MAGI2: variants seen among roughly 807,000 people sequenced by gnomAD.
MAGI2 encodes membrane-associated guanylate kinase, WW and PDZ domain-containing protein 2.
A neutral mutation model predicts 133.3 loss-of-function variants in MAGI2; 35 were observed. The ratio of observed to expected loss-of-function variants is 0.26; its 90% CI spans 0.20 to 0.35. The LOEUF is 0.35. Ranked by LOEUF, MAGI2 falls within the 10% of genes least tolerant of loss-of-function variation. The pLI is 1.00. For missense variants in MAGI2, 1,636 were observed against 1,863.4 expected (o/e 0.88, Z 2.25); for synonymous variants, 729 against 710.6 (o/e 1.03, Z -0.41).
chr7:78,358,469 C>G (rs1430978671), intron 7 of MAGI2: 1 of 154,280 alleles, frequency 6.5e-6, no homozygotes, highest in Non-Finnish European at 1.4e-5. Context: ...CCTCTGCAAG[C>G]AGATGAGCAC....
intron 2 of MAGI2, among the ~76,000 whole-genome samples, chr7:78,859,808 C>T (rs149008706): frequency 0.026 from 3,925 of 152,250 alleles, 74 homozygotes; most frequent in Middle Eastern, 0.048. Flanking sequence ...TGGGGTAGTT[C>T]TCCTGGATAG....
Position 78,737,196 on chromosome 7 carries a change from C to T in MAGI2, c.419-109957G>A, listed in dbSNP as rs150171924. Among the ~76,000 whole-genome samples the T allele has an allele frequency of 8.3e-3, 1,270 of 152,254 alleles. 10 individuals are homozygous for T. Among genetic ancestry groups the T allele is most frequent in the Non-Finnish European group, 0.012 (815 of 68,002 alleles). ...TATCTGCCACTGCCCATTTGATAAG[C>T]TTCCCAATATATAAAATCTTCTCTG... On this transcript the variant is annotated intron_variant, in intron 2 of 21. Transcript: ENST00000354212.
intron 1 of MAGI2, among the ~76,000 whole-genome samples, chr7:79,184,039 T>C (rs1277896735): frequency 6.6e-6 from 1 of 151,666 alleles, no homozygotes. Flanking sequence ...GAGTTCCAGT[T>C]AGAAAGGAGG....
chr7:78,653,628 C>T (rs1390344228), intron 2 of MAGI2, among the ~76,000 whole-genome samples: 2 of 151,488 alleles, frequency 1.3e-5, no homozygotes, highest in Non-Finnish European at 2.9e-5. Flanking sequence ...ACACTGGGGC[C>T]TGTCAGGGGT....
intron 1 of MAGI2, among the ~76,000 whole-genome samples, chr7:79,049,190 A>G (rs535052828): frequency 6.6e-6 from 1 of 152,312 alleles, no homozygotes; most frequent in Admixed American, 6.5e-5. Context: ...TTGAGAATTC[A>G]GGTTATTTCA....
chr7:79,031,677 A>G (rs1810589063), intron 1 of MAGI2, among the ~76,000 whole-genome samples: 1 of 152,150 alleles, frequency 6.6e-6, no homozygotes, highest in Non-Finnish European at 1.5e-5. Flanking sequence ...TTTATAAACA[A>G]AAAGTGTTTA....
chr7:78,503,787 A>C (rs1285880960), intron 4 of MAGI2, among the ~76,000 whole-genome samples: 1 of 150,916 alleles, frequency 6.6e-6, no homozygotes, highest in Non-Finnish European at 1.5e-5. Flanking sequence ...AAGTGAAAAT[A>C]AGGTGGGCCG....
At chr7:78,746,960 T>C (rs2151268884) in intron 2 of MAGI2, among the ~76,000 whole-genome samples, 1 of 152,342 alleles carries the variant, frequency 6.6e-6, no homozygotes, top group East Asian at 1.9e-4. Flanking sequence ...CCACTGTTGA[T>C]CACTGTGGTT....
At chr7:78,921,332 A>G (rs1230854350) in intron 2 of MAGI2, among the ~76,000 whole-genome samples, 1 of 152,152 alleles carries the variant, frequency 6.6e-6, no homozygotes, top group East Asian at 1.9e-4. Context: ...TCTTGACTTT[A>G]TCATGCATAA....
chr7:78,307,516 G>A (rs1232806208), intron 9 of MAGI2, among the ~76,000 whole-genome samples: 1 of 152,148 alleles, frequency 6.6e-6, no homozygotes, highest in Non-Finnish European at 1.5e-5. Context: ...GCTTCCCTGT[G>A]TACCTAGAGA....
chr7:78,760,324 C>G (rs1824368718), intron 2 of MAGI2, among the ~76,000 whole-genome samples: 1 of 150,536 alleles, frequency 6.6e-6, no homozygotes, highest in Non-Finnish European at 1.5e-5. Context: ...CAGGTAATGA[C>G]AGTTCTTAGA....
intron 21 of MAGI2, among the ~76,000 whole-genome samples, chr7:78,074,886 C>T (rs747342018): frequency 2.6e-4 from 40 of 152,214 alleles, no homozygotes; most frequent in Admixed American, 1.5e-3. Flanking sequence ...TTGCTTCTGG[C>T]GCAGAAAAGG....
intron 1 of MAGI2, among the ~76,000 whole-genome samples, chr7:79,175,535 T>C (rs935028116): frequency 1.3e-5 from 2 of 151,936 alleles, no homozygotes; most frequent in Non-Finnish European, 2.9e-5. Context: ...TGTAAACTGC[T>C]CTTCTAAGTG....
At chr7:78,671,839 A>T (rs1168350539) in intron 2 of MAGI2, among the ~76,000 whole-genome samples, 1 of 152,196 alleles carries the variant, frequency 6.6e-6, no homozygotes, top group East Asian at 1.9e-4. Flanking sequence ...ATTTAGAAGT[A>T]TCTCTAGGAA....
chr7:78,439,988 T>A (rs2151454604), intron 6 of MAGI2, among the ~76,000 whole-genome samples: 1 of 152,222 alleles, frequency 6.6e-6, no homozygotes, highest in Admixed American at 6.5e-5. Flanking sequence ...ATATTATTAA[T>A]TTAACGTATT....
intron 10 of MAGI2, among the ~76,000 whole-genome samples, chr7:78,236,849 A>T (rs1249345148): frequency 1.3e-5 from 2 of 152,234 alleles, no homozygotes; most frequent in Non-Finnish European, 2.9e-5. Flanking sequence ...TCAAAGTTTC[A>T]CATGGCTGGG....
chr7:78,227,163 C>A (rs1205594204), intron 10 of MAGI2, among the ~76,000 whole-genome samples: 1 of 152,162 alleles, frequency 6.6e-6, no homozygotes. Flanking sequence ...TCTGAATATT[C>A]ATTTAAAAAT....
At chr7:78,227,218 G>T (rs958889121) in intron 10 of MAGI2, among the ~76,000 whole-genome samples, 7 of 152,008 alleles carry the variant, frequency 4.6e-5, no homozygotes, top group Non-Finnish European at 8.8e-5. Context: ...ATTCCACATT[G>T]TTGTCAGTCA....
intron 1 of MAGI2, among the ~76,000 whole-genome samples, chr7:79,260,986 GCTTATATTCTACA>G (rs1278095595): frequency 6.6e-6 from 1 of 152,114 alleles, no homozygotes; most frequent in Admixed American, 6.5e-5. Context: ...TCCTCAAATT[GCTTATATTCTACA>G]CTGGAAAACA....
Sources: allele counts gnomAD v4.1 joint callset (sites outside exome capture counted in the v4.1 genomes callset), GRCh38; gene constraint gnomAD v4.1.1; transcripts MANE v1.5; gene names NCBI Gene and HGNC (gene_info 2026-07-23, HGNC 2026-07-21).